The following KYNU variants were observed in gnomAD, a reference collection of about 807,000 sequenced individuals.
The protein encoded by KYNU is kynureninase.
KYNU carries 54 observed loss-of-function variants against 59.2 expected under a neutral mutation model. The observed-to-expected ratio is 0.91, with a 90% CI of 0.73 to 1.14. The LOEUF is 1.14. Among genes scored for constraint, KYNU ranks in the 50% most tolerant of loss-of-function variants. The pLI is 0.00. For synonymous variants in KYNU, 177 were observed against 192.0 expected (o/e 0.92, Z 0.65); for missense variants, 567 against 554.4 (o/e 1.02, Z -0.23).
chr2:142,988,905 GT>G (rs772398719), intron 10 of KYNU: 3 of 1,601,048 alleles, frequency 1.9e-6, no homozygotes, highest in Non-Finnish European at 2.6e-6. Context: ...CAAGGACAAG[GT>G]ATTTTCCAGT....
At chr2:142,933,779 A>C (rs1683300432) in intron 4 of KYNU, among the ~76,000 whole-genome samples, 1 of 152,162 alleles carries the variant, frequency 6.6e-6, no homozygotes, top group Non-Finnish European at 1.5e-5. Flanking sequence ...TAGGGTACTG[A>C]GGTCAAGAGC....
At chr2:143,029,556 A>T in intron 10 of KYNU, 71 bp from the exon 11 acceptor site, 1 of 932,262 alleles carries the variant, frequency 1.1e-6, no homozygotes, top group Non-Finnish European at 1.8e-6. Flanking sequence ...ACTGCACTCC[A>T]GCCTAGGCAG....
intron 8 of KYNU, among the ~76,000 whole-genome samples, chr2:142,968,004 G>A (rs1684601726): frequency 6.6e-6 from 1 of 152,086 alleles, no homozygotes; most frequent in African/African-American, 2.4e-5. Flanking sequence ...GTTTAATACT[G>A]GAATGTTAAA....
intron 4 of KYNU, among the ~76,000 whole-genome samples, chr2:142,933,493 A>G (rs1225903727): frequency 6.6e-6 from 1 of 152,176 alleles, no homozygotes; most frequent in Non-Finnish European, 1.5e-5. Flanking sequence ...TAATCCTAGA[A>G]AAGAGAGAGA....
chr2:142,909,941 C>T (rs989142705), intron 2 of KYNU, among the ~76,000 whole-genome samples: 1 of 152,058 alleles, frequency 6.6e-6, no homozygotes, highest in Admixed American at 6.6e-5. Context: ...TGTTTTATTT[C>T]TTTGCAACCT....
intron 13 of KYNU, 150 bp downstream of exon 13, chr2:143,040,808 C>G (rs1057236845): frequency 3.5e-6 from 2 of 570,038 alleles, no homozygotes; most frequent in Non-Finnish European, 6.2e-6. Context: ...GCCCTCAGCA[C>G]TGTGCTAACT....
intron 8 of KYNU, among the ~76,000 whole-genome samples, chr2:142,980,882 A>G (rs1685033234): frequency 6.6e-6 from 1 of 152,144 alleles, no homozygotes; most frequent in South Asian, 2.1e-4. Context: ...ACATATGCAT[A>G]TCATGTTACC....
At chr2:142,928,746 A>G (rs1205006664) in intron 4 of KYNU, among the ~76,000 whole-genome samples, 5 of 151,952 alleles carry the variant, frequency 3.3e-5, no homozygotes. Context: ...AGTGACACAC[A>G]CCTATAATCC....
At chr2:142,993,390 A>T (rs982797740) in intron 10 of KYNU, among the ~76,000 whole-genome samples, 3 of 151,918 alleles carry the variant, frequency 2.0e-5, no homozygotes, top group African/African-American at 7.2e-5. Context: ...ACAGTGGTAA[A>T]ATCGTGATTG....
At chr2:142,968,371 T>C (rs528658281) in intron 8 of KYNU, among the ~76,000 whole-genome samples, 1 of 152,152 alleles carries the variant, frequency 6.6e-6, no homozygotes, top group East Asian at 1.9e-4. Context: ...TCAGTGTAAT[T>C]TGTGTAATTT....
At chr2:142,913,418 T>G (rs1682570618) in intron 2 of KYNU, among the ~76,000 whole-genome samples, 1 of 152,214 alleles carries the variant, frequency 6.6e-6, no homozygotes, top group African/African-American at 2.4e-5. Context: ...ATTTCAAATT[T>G]TTTTTTGATA....
At chr2:142,939,764 C>A (rs934688658) in intron 4 of KYNU, among the ~76,000 whole-genome samples, 2 of 151,702 alleles carry the variant, frequency 1.3e-5, no homozygotes, top group South Asian at 4.2e-4. Flanking sequence ...TCTGCATAGA[C>A]CAGAAATTTA....
intron 13 of KYNU, 32 bp from the exon 14 acceptor site, chr2:143,042,015 A>T: frequency 6.2e-7 from 1 of 1,608,684 alleles, no homozygotes; most frequent in Non-Finnish European, 8.5e-7. Context: ...GAATAATGCT[A>T]ACATTATTGT....
intron 9 of KYNU, among the ~76,000 whole-genome samples, chr2:142,985,559 C>T (rs1351392386): frequency 6.6e-6 from 1 of 151,690 alleles, no homozygotes; most frequent in African/African-American, 2.4e-5. Context: ...TATTTGAAAA[C>T]AGTTGACAGG....
intron 2 of KYNU, among the ~76,000 whole-genome samples, chr2:142,902,122 G>A (rs1008813461): frequency 1.3e-5 from 2 of 152,148 alleles, no homozygotes; most frequent in African/African-American, 4.8e-5. Context: ...CACACAGTAA[G>A]ATCTCTTCCC....
chr2:142,953,212 G>C (rs970822277), intron 4 of KYNU, among the ~76,000 whole-genome samples: 2 of 152,186 alleles, frequency 1.3e-5, no homozygotes, highest in Non-Finnish European at 2.9e-5. Flanking sequence ...AGATTAGATA[G>C]TGAATCCCCC....
chr2:143,050,904 T>C lies in KYNU; in HGVS notation c.*8732T>C, dbSNP rs1006521595. ...GAAACCTTCAAACAGCCTGGAAATATCACATCAATAAAGCACAACCTGGGA... is the reference window on the plus strand; with the variant it reads ...GAAACCTTCAAACAGCCTGGAAATACCACATCAATAAAGCACAACCTGGGA... On this transcript the variant is annotated 3_prime_UTR_variant, in exon 14 of 14. Coordinates refer to ENST00000264170, the MANE Select transcript of KYNU (RefSeq NM_003937.3). The C allele has an allele frequency of 1.3e-5, 2 of 152,152 alleles. No individual in the cohort carries two copies. Among genetic ancestry groups the C allele is most frequent in the Non-Finnish European group, 2.9e-5 (2 of 68,032 alleles). The allele number at this position is 152,152 out of a possible 1,614,324, so 9.4% of individuals were successfully genotyped here.
intron 11 of KYNU, among the ~76,000 whole-genome samples, chr2:143,032,751 GT>G (rs1573917554): frequency 6.6e-6 from 1 of 150,740 alleles, no homozygotes; most frequent in Non-Finnish European, 1.5e-5. Context: ...GTCTGTGTGT[GT>G]TCTGTAAGAG....
chr2:142,918,572 A>AT (rs35434351), intron 2 of KYNU, 37 bp from the exon 3 acceptor site: 31,375 of 1,295,890 alleles, frequency 0.024, 2 homozygotes, highest in Middle Eastern at 0.03. Context: ...AAAAGCTTTT[A>AT]TTTTTTTTTT....
Sources: gnomAD v4.1 joint callset for allele counts (sites outside exome capture counted in the v4.1 genomes callset) on GRCh38, gnomAD v4.1.1 for gene constraint, MANE v1.5 for transcripts, NCBI Gene and HGNC (gene_info 2026-07-23, HGNC 2026-07-21) for gene names.